The following TAOK1 variants were observed in gnomAD, a reference collection of about 807,000 sequenced individuals.
TAOK1 encodes serine/threonine-protein kinase TAO1.
A neutral mutation model predicts 138.3 loss-of-function variants in TAOK1; 21 were observed. That is an observed-to-expected ratio of 0.15 (90% CI 0.11 to 0.22). TAOK1 has a LOEUF of 0.22. Among genes scored for constraint, TAOK1 ranks in the 10% least tolerant of loss-of-function variants. The pLI is 1.00. For synonymous variants in TAOK1, 361 were observed against 398.4 expected (o/e 0.91, Z 1.12); for missense variants, 651 against 1,227.7 (o/e 0.53, Z 7.02).
At chr17:29,394,171 T>TTTG (rs1567705488) in intron 1 of TAOK1, among the ~76,000 whole-genome samples, 13 of 129,168 alleles carry the variant, frequency 1.0e-4, no homozygotes, top group Non-Finnish European at 8.2e-5. Context: ...TTTTTTTTTT[T>TTTG]TTTTTTTTTT....
At chr17:29,462,034 T>C (rs1487303373) in intron 2 of TAOK1, among the ~76,000 whole-genome samples, 2 of 152,194 alleles carry the variant, frequency 1.3e-5, no homozygotes, top group African/African-American at 4.8e-5. Flanking sequence ...TGTTCTGTTG[T>C]TACATTTCCT....
intron 17 of TAOK1, among the ~76,000 whole-genome samples, chr17:29,525,445 C>T (rs1247592256): frequency 3.4e-5 from 5 of 148,896 alleles, no homozygotes; most frequent in Admixed American, 2.7e-4. Flanking sequence ...TCGCTCTTGT[C>T]GCCTAGGCTG....
At chr17:29,488,207 T>G (rs945283348) in intron 8 of TAOK1, among the ~76,000 whole-genome samples, 5 of 152,324 alleles carry the variant, frequency 3.3e-5, no homozygotes, top group Admixed American at 6.5e-5. Context: ...TACCATATAC[T>G]TTGAATAATC....
intron 1 of TAOK1, among the ~76,000 whole-genome samples, chr17:29,428,948 A>T (rs1399563781): frequency 2.6e-5 from 4 of 152,122 alleles, no homozygotes; most frequent in Non-Finnish European, 4.4e-5. Flanking sequence ...ATGAGAATTA[A>T]ATAAGCAAAA....
At chr17:29,509,012 CTTTTCACAAAA>C in intron 14 of TAOK1, among the ~76,000 whole-genome samples, 1 of 152,064 alleles carries the variant, frequency 6.6e-6, no homozygotes, top group African/African-American at 2.4e-5. Flanking sequence ...CCTCTTCTCC[CTTTTCACAAAA>C]AAAGAACATT....
In TAOK1 at chr17:29,480,497, G is replaced by A. The variant is rs1218135939; in HGVS notation, c.563+16G>A. ...CGCCGTATTGGTAAGAATAGTTAAA[G>A]CAGTCAGCAGCTGTTTTAAGTGTCT... On this transcript the variant is annotated intron_variant, in intron 7 of 19. Transcript: ENST00000261716. 6.3e-7 allele frequency: 1 copy of A among 1,583,260 alleles called. No individual in the cohort carries two copies. The highest frequency in any genetic ancestry group is 2.2e-5 in the East Asian group (1 of 44,558).
chr17:29,404,387 G>A (rs1353096925), intron 1 of TAOK1, among the ~76,000 whole-genome samples: 1 of 152,036 alleles, frequency 6.6e-6, no homozygotes, highest in African/African-American at 2.4e-5. Context: ...GTCTTGGATT[G>A]CTGGACTCAA....
At chr17:29,493,499 A>C (rs2031348193) in intron 10 of TAOK1, among the ~76,000 whole-genome samples, 1 of 152,166 alleles carries the variant, frequency 6.6e-6, no homozygotes, top group African/African-American at 2.4e-5. Flanking sequence ...ATCTCGAAAA[A>C]AAAAAAAAAG....
chr17:29,488,223 A>G (rs2031212705), intron 8 of TAOK1, among the ~76,000 whole-genome samples: 1 of 152,176 alleles, frequency 6.6e-6, no homozygotes, highest in Non-Finnish European at 1.5e-5. Flanking sequence ...TAATCTCTGG[A>G]TTACTTATAA....
At chr17:29,429,235 G>C (rs1050379847) in intron 1 of TAOK1, among the ~76,000 whole-genome samples, 1 of 151,954 alleles carries the variant, frequency 6.6e-6, no homozygotes, top group Non-Finnish European at 1.5e-5. Flanking sequence ...TACAGAAAAA[G>C]TGCAAAGAAG....
chr17:29,402,302 C>G (rs750061068), intron 1 of TAOK1, among the ~76,000 whole-genome samples: 1 of 152,020 alleles, frequency 6.6e-6, no homozygotes, highest in Non-Finnish European at 1.5e-5. Flanking sequence ...AAAAAGAAGA[C>G]TTTCTATTTA....
At chr17:29,502,746 G>A (rs893489076) in intron 13 of TAOK1, 23 bp downstream of exon 13, 12 of 1,598,980 alleles carry the variant, frequency 7.5e-6, no homozygotes, top group Non-Finnish European at 9.4e-6. Flanking sequence ...CCGAATTAGA[G>A]ATAAATATAT....
intron 15 of TAOK1, chr17:29,515,022 A>C (rs916748139): frequency 5.8e-5 from 8 of 138,810 alleles, no homozygotes. Flanking sequence ...AAAAAAAAAA[A>C]TTCTAGTTTG....
Position 29,475,736 on chromosome 17 carries a change from T to A in TAOK1, c.271T>A (p.Tyr91Asn). 2 of 1,613,082 alleles carry A rather than the reference T, an allele frequency of 1.2e-6. No homozygotes were observed. The highest frequency in any genetic ancestry group is 2.2e-5 in the South Asian group (2 of 90,786). Residue 91 changes from tyrosine (Y) to asparagine (N), a missense_variant, in exon 4 of 20, where the codon TAC becomes AAC. Transcript: ENST00000261716. ...QRIKHPNSIE[Y>N]KGCYLREHTA... The stretch of plus-strand genomic sequence containing the variant: ...AATAAAACATCCCAACAGTATAGAA[T>A]ACAAAGGCTGTTATTTACGTGAACA...
intron 3 of TAOK1, among the ~76,000 whole-genome samples, chr17:29,471,838 A>G (rs142941927): frequency 6.6e-6 from 1 of 152,360 alleles, no homozygotes; most frequent in Non-Finnish European, 1.5e-5. Flanking sequence ...TAAAACTTTC[A>G]AAATTGGAGT....
At chr17:29,537,979 G>T (rs1256849001) in intron 19 of TAOK1, among the ~76,000 whole-genome samples, 1 of 152,018 alleles carries the variant, frequency 6.6e-6, no homozygotes, top group African/African-American at 2.4e-5. Flanking sequence ...CGGCATGGTG[G>T]TGCGTGCCTG....
intron 5 of TAOK1, 93 bp downstream of exon 5, chr17:29,477,799 A>G: frequency 2.7e-6 from 2 of 739,556 alleles, no homozygotes; most frequent in South Asian, 9.1e-5. Context: ...AAATAATGTA[A>G]AACTTTCCAG....
At chr17:29,454,328 G>A (rs781196634) in intron 2 of TAOK1, among the ~76,000 whole-genome samples, 109 of 152,030 alleles carry the variant, frequency 7.2e-4, no homozygotes, top group Admixed American at 1.4e-3. Context: ...TAGCTTTGTG[G>A]TAAGTTTGAG....
chr17:29,524,801 A>C (rs571502062), intron 17 of TAOK1, among the ~76,000 whole-genome samples: 6 of 152,218 alleles, frequency 3.9e-5, no homozygotes, highest in Admixed American at 1.3e-4. Flanking sequence ...ATTTATGTTG[A>C]TTAGGATTTG....
Sources: allele counts gnomAD v4.1 joint callset (sites outside exome capture counted in the v4.1 genomes callset), GRCh38; gene constraint gnomAD v4.1.1; transcripts MANE v1.5; gene names NCBI Gene and HGNC (gene_info 2026-07-23, HGNC 2026-07-21).